Variants in ADORA1 observed in about 807,000 individuals in gnomAD.
ADORA1 encodes adenosine receptor A1.
ADORA1 carries 6 observed loss-of-function variants against 19.9 expected under a neutral mutation model. The observed-to-expected ratio is 0.30, with a 90% confidence interval of 0.17 to 0.59. The LOEUF (loss-of-function observed/expected upper bound fraction) is 0.59, where lower values mean the gene tolerates loss of function less well. Ranked by LOEUF, ADORA1 falls within the 20% of genes least tolerant of loss-of-function variation. The probability of loss-of-function intolerance (pLI) is 0.87; values close to 1 mark genes in which losing one functional copy is unlikely to be tolerated. For synonymous variants in ADORA1, 194 were observed against 188.4 expected (o/e 1.03, Z -0.24); for missense variants, 302 against 439.2 (o/e 0.69, Z 2.79).
At chr1:203,130,718 G>A (rs1258888989) in intron 3 of ADORA1, among the ~76,000 whole-genome samples, 1 of 152,252 alleles carries the variant, frequency 6.6e-6, no homozygotes, top group East Asian at 1.9e-4. Context: ...GAAGGCTGCT[G>A]GAGAAATTCT....
In ADORA1 at chr1:203,128,763, C is replaced by T; in HGVS notation, c.-57-22C>T. On this transcript the variant is annotated intron_variant, in intron 2 of 3. Transcript: ENST00000337894. The surrounding 1 kb of genome is among the most constrained non-coding windows in gnomAD (Gnocchi z 5.9). ...CCCCTCCCAGACGGGTCTCCCCATC[C>T]CAGGCTTCCCTGACCACACAGGTGC... is the stretch of plus-strand genomic sequence containing the variant. 2 of 1,520,136 alleles carry T rather than the reference C, an allele frequency of 1.3e-6. No individual in the cohort carries two copies. The highest frequency in any genetic ancestry group is 2.6e-5 in the South Asian group (2 of 77,828). 94.2% of individuals were successfully genotyped at this position (1,520,136 alleles called of 1,614,324 possible).
intron 3 of ADORA1, among the ~76,000 whole-genome samples, chr1:203,154,123 C>T (rs1655120724): frequency 6.6e-6 from 1 of 152,198 alleles, no homozygotes; most frequent in Non-Finnish European, 1.5e-5. Context: ...ACAGGGACGG[C>T]CAGGCCTGAG....
intron 3 of ADORA1, among the ~76,000 whole-genome samples, chr1:203,150,399 G>T (rs1366471647): frequency 6.6e-6 from 1 of 152,234 alleles, no homozygotes; most frequent in Non-Finnish European, 1.5e-5. Flanking sequence ...CTGGTTCCCG[G>T]ATTGGGCCTG....
chr1:203,149,021 G>A (rs1213616697), intron 3 of ADORA1, among the ~76,000 whole-genome samples: 1 of 152,078 alleles, frequency 6.6e-6, no homozygotes, highest in African/African-American at 2.4e-5. Flanking sequence ...GGGACTACAG[G>A]TGCATGCCAC....
At chr1:203,132,484 A>T (rs1654373718) in intron 3 of ADORA1, among the ~76,000 whole-genome samples, 1 of 152,188 alleles carries the variant, frequency 6.6e-6, no homozygotes, top group Non-Finnish European at 1.5e-5. Context: ...GTTACTAATT[A>T]GCTATGCAAC....
chr1:203,153,724 C>T (rs1655109414), intron 3 of ADORA1, among the ~76,000 whole-genome samples: 1 of 152,162 alleles, frequency 6.6e-6, no homozygotes, highest in Admixed American at 6.5e-5. Context: ...AGCAGACTCC[C>T]CTGGGCAATG....
At chr1:203,135,719 A>G (rs750722456) in intron 3 of ADORA1, among the ~76,000 whole-genome samples, 43 of 152,166 alleles carry the variant, frequency 2.8e-4, no homozygotes, top group Non-Finnish European at 5.0e-4. Flanking sequence ...ATGATTCACA[A>G]TGTTCATAGG....
At chr1:203,149,504 G>A (rs1417151) in intron 3 of ADORA1, among the ~76,000 whole-genome samples, 108,186 of 152,144 alleles carry the variant, frequency 0.71, 40,868 homozygotes, top group Non-Finnish European at 0.85. Flanking sequence ...AGGAGGACAG[G>A]CTGTTCCCCA....
intron 3 of ADORA1, chr1:203,150,720 A>G: frequency 7.8e-7 from 1 of 1,289,812 alleles, no homozygotes; most frequent in Non-Finnish European, 1.0e-6. Flanking sequence ...TGGAAGCACA[A>G]GCTGTGGAAT....
intron 3 of ADORA1, among the ~76,000 whole-genome samples, chr1:203,149,358 C>T (rs1197828422): frequency 3.3e-5 from 5 of 152,168 alleles, no homozygotes; most frequent in East Asian, 1.9e-4. Flanking sequence ...GAAGAAATGA[C>T]GGAAATTGAG....
intron 3 of ADORA1, among the ~76,000 whole-genome samples, chr1:203,153,787 T>C (rs928710877): frequency 2.0e-5 from 3 of 152,200 alleles, no homozygotes; most frequent in African/African-American, 7.2e-5. Context: ...TGATTATATC[T>C]GGTTTCCTGT....
chr1:203,140,337 A>G (rs547450928), intron 3 of ADORA1, among the ~76,000 whole-genome samples: 2 of 152,308 alleles, frequency 1.3e-5, no homozygotes, highest in Admixed American at 6.5e-5. Flanking sequence ...GTTGGAACCA[A>G]CTGGAAATAG....
In ADORA1 at chr1:203,143,455, T is replaced by C. The variant is rs568624099; in HGVS notation, c.341+14273T>C. ...GAAATTTGGGTGACACAGTCAGGTG[T>C]GAAGGCATGAAGCCCCCTCCCCCCA... On this transcript the variant is annotated intron_variant, in intron 3 of 3. Transcript: ENST00000337894. Among the ~76,000 whole-genome samples the C allele has an allele frequency of 4.6e-5, 7 of 152,312 alleles. No individual in the cohort carries two copies. The East Asian group carries it at 9.6e-4, about 21-fold the overall frequency.
At chr1:203,144,081 T>TACACACACACACACACACAC (rs10525873) in intron 3 of ADORA1, among the ~76,000 whole-genome samples, 9 of 139,772 alleles carry the variant, frequency 6.4e-5, no homozygotes, top group Middle Eastern at 3.3e-3. Flanking sequence ...GACTACCTCT[T>TACACACACACACACACACAC]ACACACACAC....
chr1:203,141,805 A>G (rs1390284624), intron 3 of ADORA1, among the ~76,000 whole-genome samples: 1 of 151,644 alleles, frequency 6.6e-6, no homozygotes. Context: ...TTGGTCTCGA[A>G]CTCCTGGCCT....
chr1:203,150,499 C>T, intron 3 of ADORA1: 2 of 757,418 alleles, frequency 2.6e-6, no homozygotes, highest in Non-Finnish European at 3.7e-6. Context: ...TCAGGAGATA[C>T]CAGGAGGGTC....
chr1:203,145,569 T>C (rs1654832580), intron 3 of ADORA1, among the ~76,000 whole-genome samples: 1 of 152,248 alleles, frequency 6.6e-6, no homozygotes, highest in Admixed American at 6.5e-5. Context: ...ACAACACAGC[T>C]TGGGCTTTGG....
At chr1:203,163,383 G>T (rs1655431663) in intron 3 of ADORA1, among the ~76,000 whole-genome samples, 1 of 152,198 alleles carries the variant, frequency 6.6e-6, no homozygotes, top group South Asian at 2.1e-4. Flanking sequence ...CCCAGTGTCT[G>T]CACCAGGCCT....
intron 3 of ADORA1, among the ~76,000 whole-genome samples, chr1:203,161,966 C>G (rs899819136): frequency 6.6e-6 from 1 of 152,192 alleles, no homozygotes; most frequent in African/African-American, 2.4e-5. Context: ...TGTTGCTCTC[C>G]CATTTGTGCC....
Sources: gnomAD v4.1 joint callset for allele counts (sites outside exome capture counted in the v4.1 genomes callset) on GRCh38, gnomAD v4.1.1 for gene constraint, Gnocchi (gnomAD v3.1) non-coding constraint, MANE v1.5 for transcripts, NCBI Gene and HGNC (gene_info 2026-07-23, HGNC 2026-07-21) for gene names.